Variants in MAP3K5 observed in about 807,000 individuals in gnomAD.
MAP3K5 encodes mitogen-activated protein kinase kinase kinase 5.
A neutral mutation model predicts 158.7 loss-of-function variants in MAP3K5; 56 were observed. The observed-to-expected ratio is 0.35, with a 90% CI of 0.28 to 0.44. The LOEUF is 0.44. Among genes scored for constraint, MAP3K5 ranks in the 20% least tolerant of loss-of-function variants. The pLI is 1.00. For missense variants in MAP3K5, 1,294 were observed against 1,674.8 expected (o/e 0.77, Z 3.97); for synonymous variants, 579 against 601.7 (o/e 0.96, Z 0.55).
At chr6:136,761,179 C>G (rs111507065) in intron 1 of MAP3K5, among the ~76,000 whole-genome samples, 22 of 151,554 alleles carry the variant, frequency 1.5e-4, no homozygotes, top group African/African-American at 4.4e-4. Flanking sequence ...TATGCCACCT[C>G]GCTTATGGGA....
intron 21 of MAP3K5, among the ~76,000 whole-genome samples, chr6:136,599,170 G>GA (rs1223855307): frequency 5.6e-4 from 14 of 24,840 alleles, no homozygotes; most frequent in Non-Finnish European, 8.7e-4. Context: ...AAAAAAAAAG[G>GA]GGGGGGGGGC....
intron 14 of MAP3K5, among the ~76,000 whole-genome samples, chr6:136,631,712 C>A (rs1367987497): frequency 6.6e-6 from 1 of 151,918 alleles, no homozygotes; most frequent in Admixed American, 6.6e-5. Context: ...GTGGTTTTTG[C>A]CATTATTGCT....
intron 1 of MAP3K5, among the ~76,000 whole-genome samples, chr6:136,788,554 A>C (rs1041643113): frequency 6.6e-6 from 1 of 152,220 alleles, no homozygotes; most frequent in African/African-American, 2.4e-5. Flanking sequence ...ATCAACAAGC[A>C]AAACAACAAA....
chr6:136,654,264 C>G (rs914728891), intron 10 of MAP3K5, among the ~76,000 whole-genome samples: 1 of 152,188 alleles, frequency 6.6e-6, no homozygotes, highest in African/African-American at 2.4e-5. Flanking sequence ...CTATGCCCAC[C>G]AGCAGGCTCT....
chr6:136,703,691 G>T (rs1287996537), intron 3 of MAP3K5, among the ~76,000 whole-genome samples: 1 of 152,216 alleles, frequency 6.6e-6, no homozygotes. Context: ...AGATAGGAAG[G>T]ATAAGAGTTT....
chr6:136,745,502 G>T (rs930865326), intron 1 of MAP3K5, among the ~76,000 whole-genome samples: 1 of 152,066 alleles, frequency 6.6e-6, no homozygotes, highest in Non-Finnish European at 1.5e-5. Flanking sequence ...TGCTGGGAAC[G>T]CTCCCCACTG....
intron 1 of MAP3K5, among the ~76,000 whole-genome samples, chr6:136,764,356 C>CTTCTTGGA (rs1347698411): frequency 1.3e-5 from 2 of 152,326 alleles, no homozygotes; most frequent in East Asian, 3.9e-4. Context: ...CCATGTCCTT[C>CTTCTTGGA]TTCTTGGAAC....
intron 1 of MAP3K5, among the ~76,000 whole-genome samples, chr6:136,733,773 A>G (rs2114840711): frequency 6.6e-6 from 1 of 150,582 alleles, no homozygotes; most frequent in East Asian, 1.9e-4. Context: ...CATTTTTTAC[A>G]ACTGATGAGC....
chr6:136,611,744 GATA>G (rs1177763338), intron 17 of MAP3K5, among the ~76,000 whole-genome samples: 4 of 152,216 alleles, frequency 2.6e-5, no homozygotes, highest in African/African-American at 9.7e-5. Context: ...TAGTTTAGTT[GATA>G]ATAGCCCTTC....
intron 1 of MAP3K5, among the ~76,000 whole-genome samples, chr6:136,788,780 G>T (rs971607210): frequency 2.6e-5 from 4 of 152,202 alleles, no homozygotes; most frequent in African/African-American, 9.7e-5. Flanking sequence ...AGAGAAAAGG[G>T]AACACTTACA....
At chr6:136,701,747 T>C (rs1780863645) in intron 3 of MAP3K5, among the ~76,000 whole-genome samples, 1 of 152,102 alleles carries the variant, frequency 6.6e-6, no homozygotes, top group South Asian at 2.1e-4. Context: ...AACTCAAAAT[T>C]ACAAACGAAA....
intron 8 of MAP3K5, among the ~76,000 whole-genome samples, chr6:136,665,617 A>T (rs1562593626): frequency 6.6e-6 from 1 of 152,200 alleles, no homozygotes; most frequent in Non-Finnish European, 1.5e-5. Context: ...AAGTGCTGGG[A>T]TTACAGGCCT....
At chr6:136,694,452 G>A in intron 6 of MAP3K5, 142 bp from the exon 7 acceptor site, 2 of 660,440 alleles carry the variant, frequency 3.0e-6, no homozygotes, top group Admixed American at 3.0e-5. Flanking sequence ...AGAGTCCTCT[G>A]TAAACCTCTG....
intron 25 of MAP3K5, among the ~76,000 whole-genome samples, chr6:136,574,570 A>G (rs1354219655): frequency 1.3e-5 from 2 of 152,186 alleles, no homozygotes; most frequent in Non-Finnish European, 1.5e-5. Context: ...CCAATAATCT[A>G]AAGGCTGATT....
chr6:136,730,199 A>G (rs1375005011), intron 1 of MAP3K5, among the ~76,000 whole-genome samples: 1 of 143,870 alleles, frequency 7.0e-6, no homozygotes, highest in African/African-American at 2.5e-5. Flanking sequence ...AGGTCTCACT[A>G]TGTCGACCAA....
At chr6:136,772,098 T>TG (rs376876887) in intron 1 of MAP3K5, among the ~76,000 whole-genome samples, 5,910 of 99,934 alleles carry the variant, frequency 0.059, 282 homozygotes, top group African/African-American at 0.12. Context: ...TTAGTAGAAA[T>TG]GGGGGGGGGG....
chr6:136,689,293 C>T (rs1171886040), intron 7 of MAP3K5, among the ~76,000 whole-genome samples: 1 of 152,152 alleles, frequency 6.6e-6, no homozygotes, highest in Admixed American at 6.6e-5. Flanking sequence ...GAGCAAGACA[C>T]TATTTCTAAA....
intron 5 of MAP3K5, among the ~76,000 whole-genome samples, chr6:136,696,368 T>C (rs186020015): frequency 6.6e-6 from 1 of 152,334 alleles, no homozygotes; most frequent in East Asian, 1.9e-4. Flanking sequence ...TATTTCCCCA[T>C]AGAGCCAGAT....
intron 1 of MAP3K5, among the ~76,000 whole-genome samples, chr6:136,732,704 G>A (rs1163321802): frequency 4.6e-5 from 7 of 152,134 alleles, no homozygotes; most frequent in African/African-American, 1.7e-4. Context: ...TCACTAAAAG[G>A]AATTCATTTT....
Sources: gnomAD v4.1 joint callset for allele counts (sites outside exome capture counted in the v4.1 genomes callset) on GRCh38, gnomAD v4.1.1 for gene constraint, MANE v1.5 for transcripts, NCBI Gene and HGNC (gene_info 2026-07-23, HGNC 2026-07-21) for gene names.